UBE3B: variants seen among roughly 807,000 people sequenced by gnomAD.
The protein encoded by UBE3B is ubiquitin protein ligase E3B.
Under a neutral mutation model 132.3 loss-of-function variants are expected in UBE3B, and 80 were observed. The observed-to-expected ratio is 0.60, with a 90% CI of 0.50 to 0.73. UBE3B has a LOEUF of 0.73. Ranked by LOEUF, UBE3B falls within the 30% of genes least tolerant of loss-of-function variation. The pLI, the probability that UBE3B is intolerant of heterozygous loss-of-function variation, is 0.00. For synonymous variants in UBE3B, 487 were observed against 520.4 expected (o/e 0.94, Z 0.87); for missense variants, 1,196 against 1,362.5 (o/e 0.88, Z 1.92).
intron 23 of UBE3B, among the ~76,000 whole-genome samples, chr12:109,524,989 C>G (rs1221856606): frequency 6.6e-6 from 1 of 152,060 alleles, no homozygotes; most frequent in East Asian, 1.9e-4. Flanking sequence ...GCAGCCTCCG[C>G]GCCCTTTGAT....
intron 1 of UBE3B, among the ~76,000 whole-genome samples, chr12:109,480,645 T>C (rs1028306071): frequency 2.0e-4 from 26 of 130,076 alleles, no homozygotes; most frequent in Non-Finnish European, 4.2e-4. Flanking sequence ...AGCGAGACCC[T>C]GCCTTAAAAA....
rs1882050891 is a variant in UBE3B at position 109,524,267 on chromosome 12, G to A, written c.2502+152G>A. On this transcript the variant is annotated intron_variant, in intron 22 of 27. Coordinates refer to ENST00000342494, the MANE Select transcript of UBE3B (RefSeq NM_130466.4). ...CCCCCTGTGGGCAGTCCCACTTGGG[G>A]CTGATCCTCACAACCTCCTTCCTCA... is the stretch of plus-strand genomic sequence containing the variant. The A allele has an allele frequency of 4.5e-5, 62 of 1,368,600 alleles. No homozygotes were observed. The South Asian group carries it at 7.2e-4, about 16-fold the overall frequency. 84.8% of individuals were successfully genotyped at this position (1,368,600 alleles called of 1,614,324 possible). A position where few individuals can be genotyped will look rare whatever the true frequency, so the allele number is the denominator to read the frequency against.
In UBE3B at chr12:109,491,134, A is replaced by G; in HGVS notation, c.713+7A>G. On this transcript the variant is annotated splice_region_variant and intron_variant, in intron 9 of 27. Transcript: ENST00000342494. ...CTTTTTCTCTAGCGTTACGGTGAGT[A>G]AGAAACCATAGCTGAGGTGTTGGCA... 4.3e-6 allele frequency: 7 copies of G among 1,613,598 alleles called. No homozygotes were observed. Among genetic ancestry groups the G allele is most frequent in the Non-Finnish European group, 5.9e-6 (7 of 1,179,618 alleles).
downstream of UBE3B, among the ~76,000 whole-genome samples, chr12:109,538,828 A>G (rs1348902042): frequency 1.3e-5 from 2 of 152,228 alleles, no homozygotes; most frequent in African/African-American, 2.4e-5. The surrounding 1 kb of genome is among the most constrained non-coding windows in gnomAD (Gnocchi z 4.1). Flanking sequence ...GAACAGAAGC[A>G]AAGTGCCTTT....
In UBE3B at chr12:109,534,741, C is replaced by G; in HGVS notation, c.3166C>G (p.Arg1056Gly). The part of the protein sequence containing the change: ...SKKSVLREKL[R>G]YAISMNTGFE... The stretch of plus-strand genomic sequence containing the variant: ...GAAGAGCGTCCTCCGCGAGAAGCTG[C>G]GCTACGCCATCAGCATGAACACGGG... Residue 1056 changes from arginine to glycine, a missense_variant, in exon 28 of 28, where the codon CGC becomes GGC. Transcript: ENST00000342494. This position sits in a 1 kb window ranked among gnomAD's most constrained non-coding sequence, Gnocchi z 5.2. 6.3e-7 allele frequency: 1 copy of G among 1,589,436 alleles called. No individual in the cohort carries two copies. The highest frequency in any genetic ancestry group is 1.7e-4 in the Middle Eastern group (1 of 5,968).
chr12:109,498,679 G>A (rs1340928629), intron 11 of UBE3B, among the ~76,000 whole-genome samples: 1 of 152,172 alleles, frequency 6.6e-6, no homozygotes, highest in African/African-American at 2.4e-5. Context: ...GAGTAGTTAG[G>A]TGGGGCTTAT....
chr12:109,492,855 A>C (rs1877673760), intron 9 of UBE3B: 1 of 152,056 alleles, frequency 6.6e-6, no homozygotes, highest in Non-Finnish European at 1.5e-5. Context: ...AAATTATTTT[A>C]ATTAAAATTA....
At chr12:109,516,722 G>GT in intron 18 of UBE3B, 43 bp from the exon 19 acceptor site, 2 of 1,598,090 alleles carry the variant, frequency 1.3e-6, no homozygotes, top group Non-Finnish European at 1.7e-6. Flanking sequence ...GGAATCGTCA[G>GT]TTTGCTGACC....
chr12:109,530,411 T>A lies in UBE3B; in HGVS notation c.2811-136T>A, dbSNP rs61082692. The A allele has an allele frequency of 8.0e-4, 560 of 704,394 alleles. 2 individuals carry two copies. The East Asian group carries it at 8.5e-3, about 11-fold the overall frequency. The allele number at this position is 704,394 out of a possible 1,614,324, so 43.6% of individuals were successfully genotyped here. A position where few individuals can be genotyped will look rare whatever the true frequency, so the allele number is the denominator to read the frequency against. On this transcript the variant is annotated intron_variant, in intron 25 of 27. Transcript: ENST00000342494. ...AGATAGAGTTATTGAGGCATGAACT[T>A]CTGGCTTTAAGAGAAATTAGTAGTG...
At chr12:109,527,030 T>C (rs1023456761) in intron 24 of UBE3B, among the ~76,000 whole-genome samples, 9 of 152,124 alleles carry the variant, frequency 5.9e-5, no homozygotes, top group African/African-American at 2.2e-4. Context: ...CACACTGTCC[T>C]GAACCCAGAG....
chr12:109,496,293 C>A (rs1225972798), intron 9 of UBE3B, among the ~76,000 whole-genome samples: 1 of 152,200 alleles, frequency 6.6e-6, no homozygotes, highest in Non-Finnish European at 1.5e-5. Context: ...GGATATACCA[C>A]ATTTGAGTTG....
In UBE3B at chr12:109,511,303, C is replaced by A; in HGVS notation, c.1956C>A (p.Asn652Lys). 1 of 1,613,836 alleles carries A rather than the reference C, an allele frequency of 6.2e-7. No individual in the cohort carries two copies. Among genetic ancestry groups the A allele is most frequent in the Non-Finnish European group, 8.5e-7 (1 of 1,179,752 alleles). ...QYIPHVIPHK[N>K]RVLLFRTMVT... ...TCCCACATGTCATCCCTCACAAAAA[C>A]GTGAGTTGCACTCAGAGCTGGGCCC... The change falls in exon 18 of 28, where the codon AAC becomes AAA. Residue 652 changes from asparagine (N) to lysine (K), a missense_variant and splice_region_variant. Physicochemically the swap from Asn to Lys is moderately conservative, Grantham distance 94. Transcript: ENST00000342494.
chr12:109,534,435 G>T lies in UBE3B; in HGVS notation c.3016-156G>T. On this transcript the variant is annotated intron_variant, in intron 27 of 27. Transcript: ENST00000342494. This position sits in a 1 kb window ranked among gnomAD's most constrained non-coding sequence, Gnocchi z 5.2. ...GGAAGCCAGTCGTCTTGTGTCTGGG[G>T]CTTGACCTCGGGTAGTGGTGCCAGG... is the stretch of plus-strand genomic sequence containing the variant. The T allele has an allele frequency of 7.0e-7, 1 of 1,424,784 alleles. No homozygotes were observed. 88.3% of individuals were successfully genotyped at this position (1,424,784 alleles called of 1,614,324 possible). A position where few individuals can be genotyped will look rare whatever the true frequency, so the allele number is the denominator to read the frequency against.
chr12:109,533,648 A>G (rs1303338693), intron 27 of UBE3B, 90 bp downstream of exon 27: 1 of 1,256,342 alleles, frequency 8.0e-7, no homozygotes, highest in African/African-American at 1.5e-5. Flanking sequence ...TATCTAGTCC[A>G]TATCTCAGCA....
At chr12:109,490,200 G>T in intron 8 of UBE3B, 196 bp downstream of exon 8, 1 of 858,686 alleles carries the variant, frequency 1.2e-6, no homozygotes, top group South Asian at 1.4e-5. Context: ...GGACAGTGGT[G>T]CTGGGATCCC....
At chr12:109,479,151 C>T (rs1200842205) in intron 1 of UBE3B, among the ~76,000 whole-genome samples, 1 of 152,134 alleles carries the variant, frequency 6.6e-6, no homozygotes, top group Non-Finnish European at 1.5e-5. Context: ...ACATAATGGG[C>T]ACTCATTTAC....
chr12:109,524,987 C>T (rs1882161072), intron 23 of UBE3B, among the ~76,000 whole-genome samples: 2 of 152,016 alleles, frequency 1.3e-5, no homozygotes, highest in Admixed American at 6.5e-5. Flanking sequence ...TAGCAGCCTC[C>T]GCGCCCTTTG....
intron 14 of UBE3B, among the ~76,000 whole-genome samples, chr12:109,506,388 G>A (rs1189313422): frequency 2.6e-5 from 4 of 152,108 alleles, no homozygotes; most frequent in African/African-American, 9.7e-5. Flanking sequence ...CGCTCTTGTC[G>A]CCCAGGCTAG....
intron 18 of UBE3B, among the ~76,000 whole-genome samples, chr12:109,514,030 TG>T (rs1296748215): frequency 1.3e-5 from 2 of 152,234 alleles, no homozygotes; most frequent in Non-Finnish European, 2.9e-5. Context: ...ACCTCTCCCT[TG>T]TTCTCGATTT....
Sources: allele counts gnomAD v4.1 joint callset (sites outside exome capture counted in the v4.1 genomes callset), GRCh38; gene constraint gnomAD v4.1.1; non-coding constraint Gnocchi (gnomAD v3.1); transcripts MANE v1.5; gene names NCBI Gene and HGNC (gene_info 2026-07-23, HGNC 2026-07-21).